The following WDR72 variants were observed in gnomAD, a reference collection of about 807,000 sequenced individuals.
The protein encoded by WDR72 is WD repeat domain 72, also known as WD repeat-containing protein 72.
In WDR72, 120 loss-of-function variants were observed where a neutral mutation model predicts 124.2. The observed-to-expected ratio is 0.97, with a 90% confidence interval of 0.83 to 1.12. The LOEUF (loss-of-function observed/expected upper bound fraction) is 1.12. Among genes scored for constraint, WDR72 ranks in the 50% most tolerant of loss-of-function variants. The pLI, the probability that WDR72 is intolerant of heterozygous loss-of-function variation, is 0.00. For synonymous variants in WDR72, 452 were observed against 441.7 expected (o/e 1.02, Z -0.29); for missense variants, 1,387 against 1,278.8 (o/e 1.08, Z -1.29).
intron 3 of WDR72, among the ~76,000 whole-genome samples, chr15:53,717,147 A>G (rs1370392167): frequency 6.6e-6 from 1 of 152,166 alleles, no homozygotes; most frequent in Non-Finnish European, 1.5e-5. Flanking sequence ...ATCATCGATA[A>G]CAGTTTATCT....
At position 53,612,925 on chromosome 15, in the gene WDR72, G is replaced by A. The variant is rs375055616; in HGVS notation, c.2872+741C>T. On this transcript the variant is annotated intron_variant, in intron 16 of 19. Coordinates refer to ENST00000360509, the MANE Select transcript of WDR72 (RefSeq NM_182758.4). ...AGGGTGAGGGAAAGGAAGGTTGAGG[G>A]GGATGGAGTTGCTGGTGTAGGGGGT... 3.6e-4 allele frequency among the ~76,000 whole-genome samples: 54 copies of A among 151,766 alleles called. 1 individual carries two copies. Among genetic ancestry groups the A allele is most frequent in the African/African-American group, 1.2e-3 (51 of 41,376 alleles).
intron 17 of WDR72, among the ~76,000 whole-genome samples, chr15:53,602,970 G>A (rs186063959): frequency 7.9e-5 from 12 of 152,004 alleles, no homozygotes; most frequent in South Asian, 4.2e-4. Context: ...GAAAGGATTC[G>A]TCCCTAACTC....
chr15:53,749,008 C>T (rs192721552), intron 1 of WDR72, among the ~76,000 whole-genome samples: 83 of 152,268 alleles, frequency 5.5e-4, no homozygotes, highest in Admixed American at 4.6e-3. Context: ...TCTAAGGAGA[C>T]AGGCCTGCCC....
At position 53,702,275 on chromosome 15, in the gene WDR72, T is replaced by C. The variant is rs144661110; in HGVS notation, c.1428A>G (p.Lys476=). The C allele has an allele frequency of 6.2e-7, 1 of 1,613,984 alleles. No individual in the cohort carries two copies. The highest frequency in any genetic ancestry group is 8.5e-7 in the Non-Finnish European group (1 of 1,180,006). The change falls in exon 12 of 20, where the codon AAA becomes AAG. Residue 476 remains lysine (K), a synonymous_variant. Transcript: ENST00000360509. ...SLLYPHGLSS[K]LDQSWMLSGD... is the part of the protein sequence containing the mutation. ...CAGACAACATCCAACTTTGGTCTAA[T>C]TTCGAAGAGAGACCATGTGGATAGA...
chr15:53,762,118 G>A (rs1392740919), upstream of WDR72, among the ~76,000 whole-genome samples: 1 of 152,132 alleles, frequency 6.6e-6, no homozygotes, highest in Non-Finnish European at 1.5e-5. Context: ...GGTTGGGAGA[G>A]ATTTTAACTC....
Position 53,556,981 on chromosome 15 carries a change from G to A in WDR72, c.3149-33659C>T, listed in dbSNP as rs559863673. Among the ~76,000 whole-genome samples the A allele has an allele frequency of 6.6e-5, 10 of 152,192 alleles. 1 individual carries two copies. Among genetic ancestry groups the A allele is most frequent in the African/African-American group, 2.4e-4 (10 of 41,546 alleles). Reference sequence around the variant, plus strand: ...GTTATTAGAGCAATGATAGAAAGGAGTTTCACTCTGAACAGATAAAAAAGG... The same window carrying A: ...GTTATTAGAGCAATGATAGAAAGGAATTTCACTCTGAACAGATAAAAAAGG... On this transcript the variant is annotated intron_variant, in intron 18 of 19. Transcript: ENST00000360509.
At chr15:53,611,004 C>T (rs2013517432) in intron 16 of WDR72, among the ~76,000 whole-genome samples, 1 of 151,960 alleles carries the variant, frequency 6.6e-6, no homozygotes, top group Non-Finnish European at 1.5e-5. Context: ...GAAATGAGAG[C>T]CAACTTATCT....
chr15:53,682,732 T>G (rs748336209), intron 13 of WDR72, among the ~76,000 whole-genome samples: 6 of 152,166 alleles, frequency 3.9e-5, no homozygotes, highest in African/African-American at 1.4e-4. Flanking sequence ...TCCCAACATA[T>G]ACTTCCTGTC....
At chr15:53,532,106 T>G (rs1892510120) in intron 18 of WDR72, among the ~76,000 whole-genome samples, 3 of 152,114 alleles carry the variant, frequency 2.0e-5, no homozygotes, top group Non-Finnish European at 4.4e-5. Flanking sequence ...CATCTCACTC[T>G]AGTCAAAATG....
intron 13 of WDR72, among the ~76,000 whole-genome samples, chr15:53,699,143 C>T (rs1181603691): frequency 6.6e-6 from 1 of 152,160 alleles, no homozygotes; most frequent in Non-Finnish European, 1.5e-5. Flanking sequence ...CCCTGACTCA[C>T]GTTCATTAAT....
At position 53,563,094 on chromosome 15, in the gene WDR72, C is replaced by A. The variant is rs926291111; in HGVS notation, c.3148+33985G>T. ...AATTTAAAATATACACTTGGTTTTT[C>A]TTCATCACTTTCGGAAAGAAATTTT... is the stretch of plus-strand genomic sequence containing the variant. On this transcript the variant is annotated intron_variant, in intron 18 of 19. Coordinates refer to ENST00000360509, the MANE Select transcript of WDR72 (RefSeq NM_182758.4). Among the ~76,000 whole-genome samples the A allele has an allele frequency of 3.3e-5, 5 of 151,816 alleles. No homozygotes were observed. The South Asian group carries it at 1.0e-3, about 31-fold the overall frequency.
At chr15:53,713,329 A>G (rs975847602) in intron 6 of WDR72, among the ~76,000 whole-genome samples, 3 of 151,772 alleles carry the variant, frequency 2.0e-5, no homozygotes, top group Non-Finnish European at 2.9e-5. Context: ...ACAGACTGTT[A>G]GATATGGCAG....
intron 11 of WDR72, 23 bp from the exon 12 acceptor site, chr15:53,702,377 A>G (rs1341678402): frequency 6.4e-7 from 1 of 1,550,738 alleles, no homozygotes. Flanking sequence ...GAAACACCAA[A>G]TAATACAGAT....
At chr15:53,626,484 G>A (rs1023011167) in intron 14 of WDR72, among the ~76,000 whole-genome samples, 6 of 152,172 alleles carry the variant, frequency 3.9e-5, no homozygotes, top group Non-Finnish European at 7.3e-5. Context: ...AGTGGTGGAC[G>A]GCGAGCCAAA....
At chr15:53,533,516 A>G (rs1358312625) in intron 18 of WDR72, among the ~76,000 whole-genome samples, 2 of 152,118 alleles carry the variant, frequency 1.3e-5, no homozygotes, top group South Asian at 2.1e-4. Context: ...CTGATCATGT[A>G]TTTCCTAAGT....
intron 19 of WDR72, among the ~76,000 whole-genome samples, chr15:53,520,373 C>T (rs1322430515): frequency 6.6e-6 from 1 of 151,980 alleles, no homozygotes; most frequent in Non-Finnish European, 1.5e-5. Flanking sequence ...AGAAGATTGA[C>T]CACATTCAGC....
chr15:53,721,352 T>C (rs1232930652), intron 3 of WDR72, among the ~76,000 whole-genome samples: 6 of 152,206 alleles, frequency 3.9e-5, no homozygotes, highest in Non-Finnish European at 2.9e-5. Context: ...CAGACCTTTT[T>C]CTCAGTTAGC....
At chr15:53,642,297 C>T (rs908376019) in intron 14 of WDR72, among the ~76,000 whole-genome samples, 3 of 151,930 alleles carry the variant, frequency 2.0e-5, no homozygotes, top group East Asian at 1.9e-4. Flanking sequence ...GTATCAGAAG[C>T]TTAGTTAAAA....
At chr15:53,573,561 TCG>T (rs1894638597) in intron 18 of WDR72, among the ~76,000 whole-genome samples, 1 of 152,010 alleles carries the variant, frequency 6.6e-6, no homozygotes, top group African/African-American at 2.4e-5. Context: ...TTTTTTTTTT[TCG>T]GAGACGGAGT....
Sources: gnomAD v4.1 joint callset for allele counts (sites outside exome capture counted in the v4.1 genomes callset) on GRCh38, gnomAD v4.1.1 for gene constraint, MANE v1.5 for transcripts, NCBI Gene and HGNC (gene_info 2026-07-23, HGNC 2026-07-21) for gene names.